The following DUSP13A variants were observed in gnomAD, a reference collection of about 807,000 sequenced individuals.
DUSP13A encodes the protein dual specificity protein phosphatase 13A.
chr10:75,106,674 G>T, the DUSP13A span, among the ~76,000 whole-genome samples: 1 of 152,148 alleles, frequency 6.6e-6, no homozygotes, highest in Non-Finnish European at 1.5e-5. Context: ...TATACTATTC[G>T]CAATTTGGCT....
the DUSP13A span, among the ~76,000 whole-genome samples, chr10:75,108,664 G>A: frequency 6.6e-6 from 1 of 152,196 alleles, no homozygotes; most frequent in Non-Finnish European, 1.5e-5. Flanking sequence ...AGAGGAGGGA[G>A]GCTGGGCCCA....
chr10:75,105,716 G>A, the DUSP13A span: 1 of 1,553,668 alleles, frequency 6.4e-7, no homozygotes. Context: ...CTGCAGAGCT[G>A]GTGCAGGAAG....
chr10:75,107,611 C>A, the DUSP13A span, among the ~76,000 whole-genome samples: 1 of 152,014 alleles, frequency 6.6e-6, no homozygotes, highest in Non-Finnish European at 1.5e-5. Context: ...GAGTTTCGCC[C>A]TTTTGCCCAG....
the DUSP13A span, chr10:75,108,339 A>C: frequency 1.5e-5 from 21 of 1,437,572 alleles, no homozygotes; most frequent in Non-Finnish European, 1.6e-5. Flanking sequence ...AGCAAGCTCC[A>C]AGTGGGGTCT....
At chr10:75,109,010 C>A in the DUSP13A span, 1 of 1,602,506 alleles carries the variant, frequency 6.2e-7, no homozygotes, top group Non-Finnish European at 8.5e-7. Flanking sequence ...ACCACTCACG[C>A]ATCTCCTATG....
chr10:75,105,928 G>A, the DUSP13A span: 1 of 1,489,708 alleles, frequency 6.7e-7, no homozygotes. Flanking sequence ...CACGGGCTGG[G>A]ATGGGGACCC....
At chr10:75,107,883 G>A in the DUSP13A span, 1 of 1,319,724 alleles carries the variant, frequency 7.6e-7, no homozygotes, top group African/African-American at 1.5e-5. Flanking sequence ...GGCCTAAGCA[G>A]AGGATTTTTA....
the DUSP13A span, chr10:75,107,982 C>CA: frequency 6.2e-7 from 1 of 1,607,088 alleles, no homozygotes; most frequent in Non-Finnish European, 8.5e-7. Flanking sequence ...GCTTGGACCC[C>CA]AAGTCCTACC....
At chr10:75,108,959 C>A in the DUSP13A span, 1 of 1,549,052 alleles carries the variant, frequency 6.5e-7, no homozygotes, top group Non-Finnish European at 8.7e-7. Context: ...CGACCAAGAA[C>A]TGCCTCTCCA....
the DUSP13A span, chr10:75,108,026 A>T: frequency 3.1e-6 from 5 of 1,613,588 alleles, no homozygotes; most frequent in Non-Finnish European, 3.4e-6. Flanking sequence ...GGATGAAGTC[A>T]GCCGCAGAGG....
chr10:75,107,514 G>T, the DUSP13A span, among the ~76,000 whole-genome samples: 1 of 152,160 alleles, frequency 6.6e-6, no homozygotes, highest in Non-Finnish European at 1.5e-5. Context: ...TGTATTCCAG[G>T]CCTCAGTTTC....
At chr10:75,108,308 G>A in the DUSP13A span, 18 of 1,487,160 alleles carry the variant, frequency 1.2e-5, no homozygotes, top group Non-Finnish European at 1.5e-5. Flanking sequence ...AGCCATTAGG[G>A]TCCAAAGAGA....
chr10:75,107,871 A>G, the DUSP13A span: 2 of 1,220,738 alleles, frequency 1.6e-6, no homozygotes, highest in East Asian at 2.6e-5. Flanking sequence ...GCCACCACAC[A>G]CGGCCTAAGC....
the DUSP13A span, among the ~76,000 whole-genome samples, chr10:75,106,096 CTTTTCTT>C: frequency 9.2e-6 from 1 of 109,026 alleles, no homozygotes; most frequent in Non-Finnish European, 1.8e-5. Context: ...TCTTTTCTTT[CTTTTCTT>C]TTTTTTTTTT....
At chr10:75,106,553 A>G in the DUSP13A span, among the ~76,000 whole-genome samples, 1 of 152,082 alleles carries the variant, frequency 6.6e-6, no homozygotes, top group African/African-American at 2.4e-5. Context: ...TTACCCATGG[A>G]TACCTTTGTA....
At chr10:75,105,749 G>C in the DUSP13A span, 1 of 1,554,232 alleles carries the variant, frequency 6.4e-7, no homozygotes, top group East Asian at 2.4e-5. Context: ...AAGACCCATC[G>C]GTGCTGCCTC....
At chr10:75,105,791 G>T in the DUSP13A span, 1 of 1,550,998 alleles carries the variant, frequency 6.4e-7, no homozygotes. Flanking sequence ...AGGGACAGCC[G>T]CTGGTGCAGC....
chr10:75,108,102 C>T, the DUSP13A span: 1 of 1,613,860 alleles, frequency 6.2e-7, no homozygotes, highest in East Asian at 2.2e-5. Flanking sequence ...GCTCACACTG[C>T]TGCCGTAGAA....
the DUSP13A span, chr10:75,109,008 C>T: frequency 3.7e-6 from 6 of 1,600,828 alleles, no homozygotes; most frequent in Non-Finnish European, 5.1e-6. Flanking sequence ...CTACCACTCA[C>T]GCATCTCCTA....
Sources: allele counts gnomAD v4.1 joint callset (sites outside exome capture counted in the v4.1 genomes callset), GRCh38; gene constraint gnomAD v4.1.1; transcripts MANE v1.5; gene names NCBI Gene and HGNC (gene_info 2026-07-23, HGNC 2026-07-21).